Variants in RBMS3 observed in about 807,000 individuals in gnomAD.
RBMS3 encodes RNA-binding motif, single-stranded-interacting protein 3.
Under a neutral mutation model 66.8 loss-of-function variants are expected in RBMS3, and 27 were observed. The ratio of observed to expected loss-of-function variants is 0.40; its 90% CI spans 0.30 to 0.56. RBMS3 has a LOEUF of 0.56. Ranked by LOEUF, RBMS3 falls within the 20% of genes least tolerant of loss-of-function variation. The pLI is 0.40. For synonymous variants in RBMS3, 188 were observed against 183.0 expected, an observed-to-expected ratio of 1.03 and a Z score of -0.22; for missense variants, 513 against 549.5, an observed-to-expected ratio of 0.93 and a Z score of 0.66.
At chr3:29,305,408 G>A (rs1471547363) in intron 1 of RBMS3, among the ~76,000 whole-genome samples, 1 of 151,846 alleles carries the variant, frequency 6.6e-6, no homozygotes, top group African/African-American at 2.4e-5. Flanking sequence ...GAGAACAATG[G>A]CTTGTTCTCA....
rs181465810 is a variant in RBMS3, at chr3:29,567,163, T to C, written c.308-19951T>C. ...GAGAGAAATCACGTCTCATTTGTAC[T>C]TTTCTCCCCCCACAGCACCTAGCTT... On this transcript the variant is annotated intron_variant, in intron 3 of 14. Transcript: ENST00000383767. 1.1e-4 allele frequency among the ~76,000 whole-genome samples: 17 copies of C among 152,202 alleles called. No homozygotes were observed. The East Asian group carries it at 3.1e-3, about 28-fold the overall frequency.
intron 1 of RBMS3, among the ~76,000 whole-genome samples, chr3:29,289,825 G>A (rs2125421536): frequency 6.6e-6 from 1 of 151,858 alleles, no homozygotes; most frequent in East Asian, 1.9e-4. Flanking sequence ...TATATTGTGA[G>A]GTTAAGAAAT....
chr3:29,327,480 C>T (rs1053548203), intron 1 of RBMS3, among the ~76,000 whole-genome samples: 9 of 152,188 alleles, frequency 5.9e-5, no homozygotes, highest in African/African-American at 1.9e-4. Context: ...TCTCTTCCTA[C>T]TTCTCCCTTC....
intron 4 of RBMS3, among the ~76,000 whole-genome samples, chr3:29,666,597 G>A (rs2050769486): frequency 6.6e-6 from 1 of 150,388 alleles, no homozygotes. Flanking sequence ...GGAGGGAATG[G>A]CACATACATA....
chr3:29,507,691 G>A (rs778263310), intron 3 of RBMS3, among the ~76,000 whole-genome samples: 20 of 152,028 alleles, frequency 1.3e-4, no homozygotes, highest in Non-Finnish European at 2.8e-4. Context: ...CACATAATAT[G>A]AGCTAATAAA....
chr3:29,931,772 C>T (rs953459902), intron 10 of RBMS3, among the ~76,000 whole-genome samples: 3 of 152,158 alleles, frequency 2.0e-5, no homozygotes, highest in Non-Finnish European at 2.9e-5. Context: ...CTCAAGCTAC[C>T]TTCATGCCAT....
intron 4 of RBMS3, among the ~76,000 whole-genome samples, chr3:29,629,558 T>G (rs2149172920): frequency 6.6e-6 from 1 of 152,214 alleles, no homozygotes. Flanking sequence ...TTGGTTACAT[T>G]TCAAGATAAT....
intron 4 of RBMS3, among the ~76,000 whole-genome samples, chr3:29,691,949 A>ATTTTTTTTGTTTTTTTTTTT (rs2052037793): frequency 1.5e-5 from 1 of 65,014 alleles, no homozygotes; most frequent in African/African-American, 6.1e-5. Context: ...CTCTCTCTCT[A>ATTTTTTTTGTTTTTTTTTTT]TTTTTTTTTT....
At position 29,847,024 on chromosome 3, in the gene RBMS3, C is replaced by T. The variant is rs141687529; in HGVS notation, c.638-21834C>T. Among the ~76,000 whole-genome samples, 428 of 152,214 alleles carry T rather than the reference C, an allele frequency of 2.8e-3. 2 individuals are homozygous for T. Among genetic ancestry groups the T allele is most frequent in the African/African-American group, 9.9e-3 (410 of 41,548 alleles). On this transcript the variant is annotated intron_variant, in intron 6 of 14. Coordinates refer to ENST00000383767, the MANE Select transcript of RBMS3 (RefSeq NM_001003793.3). ...AGGAAGAAGTCAAAGATGCAAGGCG[C>T]CATATCGCATGATACACGATAACAA...
intron 4 of RBMS3, among the ~76,000 whole-genome samples, chr3:29,658,835 T>TTG (rs895054149): frequency 6.6e-6 from 1 of 152,234 alleles, no homozygotes; most frequent in African/African-American, 2.4e-5. Flanking sequence ...GCTTGTGTGT[T>TTG]TGTTTGAGAC....
chr3:29,334,182 C>T (rs2035819454), intron 1 of RBMS3, among the ~76,000 whole-genome samples: 1 of 152,128 alleles, frequency 6.6e-6, no homozygotes, highest in Admixed American at 6.6e-5. Context: ...ACAGTAAAGT[C>T]ATAGTTGTTG....
intron 4 of RBMS3, among the ~76,000 whole-genome samples, chr3:29,668,683 C>T (rs1376667336): frequency 6.6e-6 from 1 of 152,100 alleles, no homozygotes; most frequent in African/African-American, 2.4e-5. Context: ...AAAGGAGGTA[C>T]AATACTTACA....
chr3:29,988,137 C>G lies in RBMS3; in HGVS notation c.1099-6C>G. ...TTCACATGCATTTTTCTTTGATTCTCTCTAGTATATGACTGCTGCTGCTCC... is the reference window on the plus strand; with the variant it reads ...TTCACATGCATTTTTCTTTGATTCTGTCTAGTATATGACTGCTGCTGCTCC... On this transcript the variant is annotated splice_polypyrimidine_tract_variant and splice_region_variant and intron_variant, in intron 12 of 14. Transcript: ENST00000383767. The G allele has an allele frequency of 6.2e-7, 1 of 1,607,414 alleles. No individual in the cohort carries two copies.
chr3:29,563,071 A>G (rs2046614296), intron 3 of RBMS3, among the ~76,000 whole-genome samples: 1 of 152,200 alleles, frequency 6.6e-6, no homozygotes, highest in Non-Finnish European at 1.5e-5. Flanking sequence ...ACAGTGCAGG[A>G]CATGGTCTCC....
chr3:29,382,296 C>T (rs1016103947), intron 1 of RBMS3, among the ~76,000 whole-genome samples: 1 of 152,204 alleles, frequency 6.6e-6, no homozygotes, highest in African/African-American at 2.4e-5. Flanking sequence ...GGGCAGTTTG[C>T]TTCATGGATA....
At chr3:29,659,928 A>G (rs2050469195) in intron 4 of RBMS3, among the ~76,000 whole-genome samples, 1 of 152,086 alleles carries the variant, frequency 6.6e-6, no homozygotes, top group Admixed American at 6.6e-5. Context: ...CAGCCATCCT[A>G]ATGGGTGTGG....
At chr3:29,316,804 AGTGGTG>A (rs2034707821) in intron 1 of RBMS3, among the ~76,000 whole-genome samples, 2 of 151,694 alleles carry the variant, frequency 1.3e-5, no homozygotes, top group African/African-American at 4.8e-5. Context: ...GGCTTGTGTA[AGTGGTG>A]ATGTGGCTTA....
chr3:29,990,600 T>C (rs1175585500), intron 13 of RBMS3, among the ~76,000 whole-genome samples: 1 of 152,152 alleles, frequency 6.6e-6, no homozygotes, highest in African/African-American at 2.4e-5. Flanking sequence ...ATCAAATTAC[T>C]GGAGAGAAAA....
At chr3:29,467,930 C>T (rs1390584985) in intron 2 of RBMS3, among the ~76,000 whole-genome samples, 1 of 152,102 alleles carries the variant, frequency 6.6e-6, no homozygotes, top group Non-Finnish European at 1.5e-5. Context: ...AAATATGATA[C>T]TATTCACTTG....
Sources: allele counts gnomAD v4.1 joint callset (sites outside exome capture counted in the v4.1 genomes callset), GRCh38; gene constraint gnomAD v4.1.1; transcripts MANE v1.5; gene names NCBI Gene and HGNC (gene_info 2026-07-23, HGNC 2026-07-21).